PKP4: variants seen among roughly 807,000 people sequenced by gnomAD.
The protein encoded by PKP4 is plakophilin 4.
A neutral mutation model predicts 145.1 loss-of-function variants in PKP4; 90 were observed. That is an observed-to-expected ratio of 0.62 (90% CI 0.52 to 0.74). The LOEUF (loss-of-function observed/expected upper bound fraction) is 0.74, where lower values mean the gene tolerates loss of function less well. Among genes scored for constraint, PKP4 ranks in the 30% least tolerant of loss-of-function variants. PKP4 has a pLI of 0.00. For synonymous variants in PKP4, 563 were observed against 577.2 expected (o/e 0.98, Z 0.35); for missense variants, 1,340 against 1,482.7 (o/e 0.90, Z 1.58).
At chr2:158,611,686 G>A (rs1425984287) in intron 4 of PKP4, among the ~76,000 whole-genome samples, 1 of 152,066 alleles carries the variant, frequency 6.6e-6, no homozygotes, top group Non-Finnish European at 1.5e-5. Context: ...TATTGTACAT[G>A]TTCATAAACA....
chr2:158,661,699 T>A (rs1036104523), intron 13 of PKP4: 10 of 333,188 alleles, frequency 3.0e-5, no homozygotes, highest in Non-Finnish European at 5.1e-5. Flanking sequence ...TCCCCTAGGC[T>A]CATTCTCAGG....
chr2:158,658,097 C>A (rs1039081306), intron 11 of PKP4, 34 bp from the exon 12 acceptor site: 1 of 1,197,064 alleles, frequency 8.4e-7, no homozygotes, highest in Admixed American at 1.9e-5. Context: ...CACAGGATCT[C>A]TATTTGTTTG....
At chr2:158,612,190 G>T (rs1265568852) in intron 4 of PKP4, among the ~76,000 whole-genome samples, 1 of 151,980 alleles carries the variant, frequency 6.6e-6, no homozygotes, top group Non-Finnish European at 1.5e-5. Flanking sequence ...AACTGTGTTT[G>T]TATGTATGTC....
Position 158,621,003 on chromosome 2 carries a change from T to C in PKP4, c.294T>C (p.Thr98=). The change falls in exon 5 of 22, where the codon ACT becomes ACC. Residue 98 remains threonine (T), a synonymous_variant. Transcript: ENST00000389759. ...FPWRSTDVPN[T]GVSKPRVSDA... ...TTCTTGTTACAGACGTGCCAAATAC[T>C]GGTGTAAGCAAACCTAGAGTTTCTG... is the stretch of plus-strand genomic sequence containing the variant. 6.2e-7 allele frequency: 1 copy of C among 1,614,074 alleles called. No individual in the cohort carries two copies. Among genetic ancestry groups the C allele is most frequent in the South Asian group, 1.1e-5 (1 of 91,072 alleles).
intron 3 of PKP4, among the ~76,000 whole-genome samples, chr2:158,596,395 A>G (rs2049744081): frequency 1.3e-5 from 2 of 152,210 alleles, no homozygotes; most frequent in South Asian, 4.1e-4. Flanking sequence ...CAGAGCTCAA[A>G]ATGGTAAAAC....
intron 21 of PKP4, among the ~76,000 whole-genome samples, chr2:158,679,560 G>A (rs376562971): frequency 2.0e-5 from 3 of 152,186 alleles, no homozygotes; most frequent in East Asian, 3.8e-4. Flanking sequence ...TGGTTTCTAT[G>A]TGGTAAATTT....
rs888477376 is a variant in PKP4, at chr2:158,662,719, G to T, written c.2212-178G>T. 9 of 515,924 alleles carry T rather than the reference G, an allele frequency of 1.7e-5. No homozygotes were observed. In the Admixed American group the frequency reaches 3.2e-4, roughly 18 times the overall value. The allele number at this position is 515,924 out of a possible 1,614,324, so 32.0% of individuals were successfully genotyped here. A position where few individuals can be genotyped will look rare whatever the true frequency, so the allele number is the denominator to read the frequency against. On this transcript the variant is annotated intron_variant, in intron 13 of 21. Transcript: ENST00000389759. ...AGAAGGGCTCTGCATCCTGTCATCTGGGTATTCCACAAACACTCTAGAATC... is the reference window on the plus strand; with the variant it reads ...AGAAGGGCTCTGCATCCTGTCATCTTGGTATTCCACAAACACTCTAGAATC...
At chr2:158,587,853 T>C (rs914258998) in intron 3 of PKP4, among the ~76,000 whole-genome samples, 4 of 151,844 alleles carry the variant, frequency 2.6e-5, no homozygotes, top group Non-Finnish European at 5.9e-5. Context: ...TACTTTTATG[T>C]CAATACATAT....
In PKP4 at chr2:158,631,902, C is replaced by T. The variant is rs370805340; in HGVS notation, c.1303C>T (p.Leu435Phe). Reference sequence around the variant, plus strand: ...CAGCCCAAACCATGGAACTGTGGAGCTCCAAGGATCGCAGACGGCGTTGTA... The same window carrying T: ...CAGCCCAAACCATGGAACTGTGGAGTTCCAAGGATCGCAGACGGCGTTGTA... Reference protein sequence around the residue: ...YRSPNHGTVELQGSQTALYRT... With the variant: ...YRSPNHGTVEFQGSQTALYRT... Residue 435 changes from leucine to phenylalanine, a missense_variant, in exon 8 of 22, where the codon CTC becomes TTC. Leu to Phe is a conservative substitution (Grantham distance 22). Transcript: ENST00000389759. 7.4e-6 allele frequency: 12 copies of T among 1,613,970 alleles called. No individual in the cohort carries two copies. Among genetic ancestry groups the T allele is most frequent in the African/African-American group, 2.7e-5 (2 of 74,906 alleles).
chr2:158,554,865 C>T (rs538759362), intron 2 of PKP4, among the ~76,000 whole-genome samples: 2 of 152,062 alleles, frequency 1.3e-5, no homozygotes, highest in Non-Finnish European at 2.9e-5. Context: ...ATCAAAATGC[C>T]ACACCTAGAA....
intron 1 of PKP4, among the ~76,000 whole-genome samples, chr2:158,494,158 T>C (rs1185397026): frequency 6.6e-6 from 1 of 152,152 alleles, no homozygotes. Context: ...CGACTTCAAC[T>C]AAGAAGCTCA....
intron 2 of PKP4, among the ~76,000 whole-genome samples, chr2:158,558,953 T>C (rs1054785896): frequency 4.6e-4 from 70 of 152,254 alleles, no homozygotes; most frequent in African/African-American, 1.6e-3. Context: ...GGGAGGACTT[T>C]GGAAAAAGCT....
chr2:158,558,997 A>C (rs929843038), intron 2 of PKP4, among the ~76,000 whole-genome samples: 2 of 152,292 alleles, frequency 1.3e-5, no homozygotes, highest in Middle Eastern at 3.4e-3. Context: ...TTCAGAGAAA[A>C]GTCTCACCTG....
In PKP4 at chr2:158,640,771, G is replaced by A. The variant is rs768739222; in HGVS notation, c.1695+12G>A. Reference sequence around the variant, plus strand: ...AAGTGAAGATGGAGGTACAGGACATGGTGCCTGGGATGACTGGGGAAAATA... The same window carrying A: ...AAGTGAAGATGGAGGTACAGGACATAGTGCCTGGGATGACTGGGGAAAATA... On this transcript the variant is annotated intron_variant, in intron 10 of 21. Coordinates refer to ENST00000389759, the MANE Select transcript of PKP4 (RefSeq NM_003628.6). 5 of 1,613,802 alleles carry A rather than the reference G, an allele frequency of 3.1e-6. No homozygotes were observed. In the South Asian group the frequency reaches 5.5e-5, roughly 18 times the overall value.
At chr2:158,677,124 A>C in intron 20 of PKP4, 1 of 453,944 alleles carries the variant, frequency 2.2e-6, no homozygotes, top group Non-Finnish European at 4.1e-6. Context: ...GGCTGTATCC[A>C]AATAAATCAT....
At chr2:158,582,050 G>A (rs560503643) in intron 3 of PKP4, among the ~76,000 whole-genome samples, 33 of 152,244 alleles carry the variant, frequency 2.2e-4, no homozygotes, top group Non-Finnish European at 3.1e-4. Context: ...AGAAATAATC[G>A]CTGCAACCTT....
intron 2 of PKP4, among the ~76,000 whole-genome samples, chr2:158,546,837 G>A (rs2045094709): frequency 6.6e-6 from 1 of 152,144 alleles, no homozygotes; most frequent in Non-Finnish European, 1.5e-5. Flanking sequence ...TGGCTTCACA[G>A]AGAGGCTACA....
chr2:158,602,692 CATAAA>C (rs1322688613), intron 3 of PKP4, among the ~76,000 whole-genome samples: 4 of 152,206 alleles, frequency 2.6e-5, no homozygotes, highest in Admixed American at 1.3e-4. Context: ...TTTGAAAATA[CATAAA>C]ATAAACTGTT....
At chr2:158,552,821 A>G (rs1226369071) in intron 2 of PKP4, among the ~76,000 whole-genome samples, 2 of 152,216 alleles carry the variant, frequency 1.3e-5, no homozygotes, top group Non-Finnish European at 2.9e-5. Flanking sequence ...CTAAAAACCA[A>G]TGTACATGCC....
Sources: gnomAD v4.1 joint callset for allele counts (sites outside exome capture counted in the v4.1 genomes callset) on GRCh38, gnomAD v4.1.1 for gene constraint, MANE v1.5 for transcripts, NCBI Gene and HGNC (gene_info 2026-07-23, HGNC 2026-07-21) for gene names.